R3HDM2: variants seen among roughly 807,000 people sequenced by gnomAD.
R3HDM2 encodes R3H domain containing 2, also known as R3H domain-containing protein 2.
A neutral mutation model predicts 124.5 loss-of-function variants in R3HDM2; 38 were observed. The observed-to-expected ratio is 0.31, with a 90% confidence interval of 0.24 to 0.40. The LOEUF (loss-of-function observed/expected upper bound fraction) is 0.40. Among genes scored for constraint, R3HDM2 ranks in the 10% least tolerant of loss-of-function variants. The pLI, the probability that R3HDM2 is intolerant of heterozygous loss-of-function variation, is 1.00. For synonymous variants in R3HDM2, 391 were observed against 448.0 expected (o/e 0.87, Z 1.61); for missense variants, 869 against 1,236.9 (o/e 0.70, Z 4.46).
chr12:57,355,501 T>C (rs1006506387), intron 2 of R3HDM2, among the ~76,000 whole-genome samples: 6 of 151,876 alleles, frequency 4.0e-5, no homozygotes, highest in Admixed American at 3.9e-4. Context: ...AGAAACACTT[T>C]TTAAAAAGTC....
intron 1 of R3HDM2, among the ~76,000 whole-genome samples, chr12:57,421,196 C>A (rs1210429889): frequency 7.9e-6 from 1 of 126,896 alleles, no homozygotes; most frequent in Non-Finnish European, 1.6e-5. Context: ...CAGAGTTTTG[C>A]TCTTGTTGCC....
intron 1 of R3HDM2, among the ~76,000 whole-genome samples, chr12:57,425,126 G>T (rs1051334489): frequency 6.6e-6 from 1 of 152,066 alleles, no homozygotes; most frequent in Admixed American, 6.6e-5. Context: ...TACAAAATTA[G>T]CCAGGTGTGG....
chr12:57,276,109 C>T (rs868329223), intron 14 of R3HDM2, among the ~76,000 whole-genome samples: 9 of 150,868 alleles, frequency 6.0e-5, no homozygotes, highest in Admixed American at 3.3e-4. Context: ...CCTAGCTACT[C>T]GGGAGGCTGA....
chr12:57,395,568 C>T (rs916187378), intron 2 of R3HDM2, among the ~76,000 whole-genome samples, 181 bp downstream of exon 2: 5 of 152,044 alleles, frequency 3.3e-5, no homozygotes, highest in African/African-American at 1.2e-4. Context: ...GTGTGAGCCA[C>T]CTCGCCTGGC....
At chr12:57,421,450 CTTT>C (rs71084752) in intron 1 of R3HDM2, among the ~76,000 whole-genome samples, 41 of 111,024 alleles carry the variant, frequency 3.7e-4, no homozygotes, top group Admixed American at 5.2e-4. Context: ...ACACCCAGCT[CTTT>C]TTTTTTTTTT....
intron 2 of R3HDM2, among the ~76,000 whole-genome samples, chr12:57,361,401 A>G (rs1026276774): frequency 6.7e-6 from 1 of 149,146 alleles, no homozygotes; most frequent in Middle Eastern, 3.2e-3. Context: ...AAAAAAAGGC[A>G]TAAAGCAAGC....
intron 2 of R3HDM2, among the ~76,000 whole-genome samples, chr12:57,378,366 G>C (rs980360635): frequency 1.3e-5 from 2 of 151,980 alleles, no homozygotes; most frequent in Non-Finnish European, 2.9e-5. Context: ...TTCCATCTTG[G>C]TCTGTCTGGT....
chr12:57,282,397 T>A (rs2046369475), intron 13 of R3HDM2, among the ~76,000 whole-genome samples: 1 of 152,160 alleles, frequency 6.6e-6, no homozygotes, highest in African/African-American at 2.4e-5. Context: ...TATGCTATAT[T>A]AAGTAATTTG....
intron 2 of R3HDM2, among the ~76,000 whole-genome samples, chr12:57,378,127 T>C (rs1035548647): frequency 3.3e-5 from 5 of 152,012 alleles, no homozygotes; most frequent in African/African-American, 1.2e-4. Context: ...AAAAAACACC[T>C]TTCATAGGAT....
At chr12:57,270,530 A>G (rs1471370784) in intron 14 of R3HDM2, among the ~76,000 whole-genome samples, 1 of 152,152 alleles carries the variant, frequency 6.6e-6, no homozygotes, top group Non-Finnish European at 1.5e-5. Flanking sequence ...CCCAGGTTCA[A>G]GCAATTCTCC....
intron 2 of R3HDM2, among the ~76,000 whole-genome samples, chr12:57,339,507 G>A (rs899743772): frequency 1.3e-5 from 2 of 151,860 alleles, no homozygotes; most frequent in African/African-American, 4.8e-5. Flanking sequence ...AGACCAACCT[G>A]GCCAACATGG....
intron 19 of R3HDM2, among the ~76,000 whole-genome samples, chr12:57,265,722 CCTCCCAGG>C (rs2042189587): frequency 6.6e-6 from 1 of 151,834 alleles, no homozygotes; most frequent in African/African-American, 2.4e-5. Context: ...ACAGCCTCAG[CCTCCCAGG>C]CTCAAGCGAT....
At chr12:57,278,169 A>C (rs1004627548) in intron 14 of R3HDM2, among the ~76,000 whole-genome samples, 4 of 152,184 alleles carry the variant, frequency 2.6e-5, no homozygotes, top group African/African-American at 9.7e-5. Context: ...TGCTGCACCA[A>C]GTAGTGTTCC....
intron 5 of R3HDM2, 114 bp from the exon 6 acceptor site, chr12:57,299,592 T>C: frequency 1.0e-5 from 11 of 1,102,648 alleles, no homozygotes; most frequent in Non-Finnish European, 1.4e-5. Context: ...TATAGATTAG[T>C]GTTATTTTGC....
chr12:57,309,036 A>G, intron 3 of R3HDM2, among the ~76,000 whole-genome samples: 1 of 152,254 alleles, frequency 6.6e-6, no homozygotes, highest in East Asian at 1.9e-4. Context: ...GGTGAATTGT[A>G]AGACGAAAAA....
At chr12:57,333,505 C>T (rs1411867536) in intron 2 of R3HDM2, among the ~76,000 whole-genome samples, 3 of 151,880 alleles carry the variant, frequency 2.0e-5, no homozygotes, top group South Asian at 2.1e-4. Flanking sequence ...GCCTGGCCAA[C>T]ATGGTGAAAC....
chr12:57,255,965 G>A, intron 23 of R3HDM2, 25 bp downstream of exon 23: 1 of 1,598,388 alleles, frequency 6.3e-7, no homozygotes, highest in Non-Finnish European at 8.5e-7. Context: ...ACCTTCTCTT[G>A]GGGATTCAGC....
intron 2 of R3HDM2, among the ~76,000 whole-genome samples, chr12:57,322,860 G>A (rs1242226690): frequency 2.6e-5 from 4 of 152,082 alleles, no homozygotes; most frequent in African/African-American, 7.2e-5. Flanking sequence ...GTGGAGTGTC[G>A]GATGGGAAGG....
At chr12:57,355,753 CAA>C (rs1283071498) in intron 2 of R3HDM2, among the ~76,000 whole-genome samples, 1 of 152,096 alleles carries the variant, frequency 6.6e-6, no homozygotes, top group Non-Finnish European at 1.5e-5. Context: ...TTAAAAATAT[CAA>C]GTCTTCTGAT....
Sources: allele counts gnomAD v4.1 joint callset (sites outside exome capture counted in the v4.1 genomes callset), GRCh38; gene constraint gnomAD v4.1.1; transcripts MANE v1.5; gene names NCBI Gene and HGNC (gene_info 2026-07-23, HGNC 2026-07-21).